The following MAGI1 variants were observed in gnomAD, a reference collection of about 807,000 sequenced individuals.
MAGI1 encodes the protein membrane associated guanylate kinase, WW and PDZ domain containing 1, also known as membrane-associated guanylate kinase, WW and PDZ domain-containing protein 1.
MAGI1 carries 58 observed loss-of-function variants against 139.9 expected under a neutral mutation model. That is an observed-to-expected ratio of 0.41 (90% CI 0.34 to 0.52). The LOEUF is 0.52. MAGI1 is among the 20% of genes least tolerant of loss of function. MAGI1 has a pLI of 0.12. For synonymous variants in MAGI1, 812 were observed against 737.9 expected (o/e 1.10, Z -1.63); for missense variants, 1,874 against 1,901.6 (o/e 0.99, Z 0.27).
At chr3:65,915,076 T>C (rs1285635922) in intron 1 of MAGI1, among the ~76,000 whole-genome samples, 1 of 152,174 alleles carries the variant, frequency 6.6e-6, no homozygotes, top group Non-Finnish European at 1.5e-5. Flanking sequence ...ACAAAGTCAA[T>C]CTCTTAGGCA....
intron 12 of MAGI1, among the ~76,000 whole-genome samples, chr3:65,428,484 C>A (rs574657519): frequency 3.3e-5 from 5 of 152,244 alleles, no homozygotes; most frequent in African/African-American, 7.2e-5. Context: ...TAACCCAGAT[C>A]TCTGAGATCC....
Position 65,364,880 on chromosome 3 carries a change from G to A in MAGI1, c.3263C>T (p.Pro1088Leu), listed in dbSNP as rs754010597. The A allele has an allele frequency of 1.2e-6, 2 of 1,614,070 alleles. No homozygotes were observed. Among genetic ancestry groups the A allele is most frequent in the Non-Finnish European group, 8.5e-7 (1 of 1,179,958 alleles). Reference sequence around the variant, plus strand: ...TGTCTCCTGGGTCCCTTGCTGAGAAGGGGTGTGTGTGGTGGTGATGGTGGC... The same window carrying A: ...TGTCTCCTGGGTCCCTTGCTGAGAAAGGGTGTGTGTGGTGGTGATGGTGGC... ...KIATITTTHT[P>L]SQQGTQETRN... Residue 1088 changes from proline (P) to leucine (L), a missense_variant, in exon 19 of 23, where the codon CCT becomes CTT. Pro to Leu is a moderately conservative substitution (Grantham distance 98). Coordinates refer to ENST00000402939, the MANE Select transcript of MAGI1 (RefSeq NM_001033057.2).
chr3:65,809,017 C>G (rs1268348228), intron 1 of MAGI1, among the ~76,000 whole-genome samples: 3 of 152,064 alleles, frequency 2.0e-5, no homozygotes, highest in Non-Finnish European at 4.4e-5. Context: ...ATCTAAAGTA[C>G]AGACATTTAA....
At chr3:65,819,991 T>TACCAAATAC (rs2041855943) in intron 1 of MAGI1, among the ~76,000 whole-genome samples, 2 of 150,178 alleles carry the variant, frequency 1.3e-5, no homozygotes, top group Admixed American at 6.7e-5. Flanking sequence ...TAAGCAAATA[T>TACCAAATAC]ACTGCACTGG....
intron 1 of MAGI1, among the ~76,000 whole-genome samples, chr3:65,714,636 G>C (rs764703526): frequency 6.6e-6 from 1 of 152,042 alleles, no homozygotes; most frequent in Non-Finnish European, 1.5e-5. Context: ...TAGCTTGTAA[G>C]TAGGGTTAAA....
chr3:65,396,196 T>C (rs1288928816), intron 13 of MAGI1, among the ~76,000 whole-genome samples: 3 of 152,150 alleles, frequency 2.0e-5, no homozygotes, highest in Non-Finnish European at 4.4e-5. Flanking sequence ...AGTAACTGGT[T>C]GAGAAGGGGT....
chr3:65,364,077 C>T (rs1206777744), intron 20 of MAGI1, among the ~76,000 whole-genome samples: 1 of 149,642 alleles, frequency 6.7e-6, no homozygotes, highest in East Asian at 2.0e-4. Context: ...ACTTGTAATA[C>T]CAGCTACTCA....
At chr3:65,822,314 G>C (rs2041990856) in intron 1 of MAGI1, among the ~76,000 whole-genome samples, 1 of 152,158 alleles carries the variant, frequency 6.6e-6, no homozygotes, top group South Asian at 2.1e-4. Flanking sequence ...GATGACTTGA[G>C]GTCAGAAGTT....
intron 1 of MAGI1, among the ~76,000 whole-genome samples, chr3:65,825,675 A>G (rs2042186170): frequency 6.6e-6 from 1 of 152,224 alleles, no homozygotes; most frequent in Non-Finnish European, 1.5e-5. Flanking sequence ...AGGTGTCAAC[A>G]GTATTTTTAA....
At chr3:65,986,061 AAGG>A (rs1015143219) in intron 1 of MAGI1, among the ~76,000 whole-genome samples, 5 of 152,200 alleles carry the variant, frequency 3.3e-5, no homozygotes, top group African/African-American at 1.2e-4. Flanking sequence ...TATAGGATAG[AAGG>A]AGCAAATGGG....
rs746590380 is a variant in MAGI1, at chr3:65,391,187, G to T, written c.2371C>A (p.Pro791Thr). The T allele has an allele frequency of 6.2e-7, 1 of 1,614,104 alleles. No individual in the cohort carries two copies. Among genetic ancestry groups the T allele is most frequent in the Admixed American group, 1.7e-5 (1 of 60,002 alleles). Reference sequence around the variant, plus strand: ...CTGGACTGGGCCCAGATTTTAAAAGGATCTGGTTTTTTCTGGCCAGAGCTG... The same window carrying T: ...CTGGACTGGGCCCAGATTTTAAAAGTATCTGGTTTTTTCTGGCCAGAGCTG... The part of the protein sequence containing the change: ...TDSSGQKKPD[P>T]FKIWAQSRSM... Residue 791 changes from proline (P) to threonine (T), a missense_variant, in exon 14 of 23, where the codon CCT (proline) becomes ACT (threonine). Physicochemically the swap from Pro to Thr is conservative, Grantham distance 38. This residue lies in a region of MAGI1 where 482 missense variants were observed against 509.6 expected (regional missense o/e 0.95). Coordinates refer to ENST00000402939, the MANE Select transcript of MAGI1 (RefSeq NM_001033057.2).
intron 2 of MAGI1, among the ~76,000 whole-genome samples, chr3:65,556,093 A>G (rs986251586): frequency 1.3e-5 from 2 of 152,178 alleles, no homozygotes; most frequent in African/African-American, 4.8e-5. Context: ...TTAGTGTGGA[A>G]GTAGCGGAAC....
At chr3:65,357,166 T>C in intron 22 of MAGI1, 34 bp from the exon 23 acceptor site, 1 of 1,569,308 alleles carries the variant, frequency 6.4e-7, no homozygotes, top group South Asian at 1.2e-5. Context: ...AACAGTTGGG[T>C]ACGAAGGTCC....
intron 1 of MAGI1, among the ~76,000 whole-genome samples, chr3:65,953,296 A>C (rs2063954122): frequency 6.6e-6 from 1 of 152,190 alleles, no homozygotes; most frequent in East Asian, 1.9e-4. Flanking sequence ...TTCCAGACGA[A>C]ACCAAAGGCC....
At chr3:65,717,771 A>G (rs534767581) in intron 1 of MAGI1, among the ~76,000 whole-genome samples, 9 of 152,322 alleles carry the variant, frequency 5.9e-5, no homozygotes, top group African/African-American at 2.2e-4. Flanking sequence ...GGTCCAGCTT[A>G]GACCACCCTC....
chr3:65,880,419 A>T (rs1004937871), intron 1 of MAGI1, among the ~76,000 whole-genome samples: 1 of 152,140 alleles, frequency 6.6e-6, no homozygotes, highest in African/African-American at 2.4e-5. Flanking sequence ...TATATACAAC[A>T]TCTCATATCC....
intron 1 of MAGI1, among the ~76,000 whole-genome samples, chr3:65,707,281 G>C (rs1211807079): frequency 6.6e-6 from 1 of 152,172 alleles, no homozygotes; most frequent in Non-Finnish European, 1.5e-5. Context: ...TTGATGCTAT[G>C]CCACATAGAA....
chr3:65,474,931 T>C (rs557385157), intron 4 of MAGI1, among the ~76,000 whole-genome samples: 1 of 152,296 alleles, frequency 6.6e-6, no homozygotes, highest in African/African-American at 2.4e-5. Flanking sequence ...TTGACCTCCC[T>C]GGTATATGCA....
chr3:65,946,125 G>C (rs2063534856), intron 1 of MAGI1, among the ~76,000 whole-genome samples: 1 of 152,196 alleles, frequency 6.6e-6, no homozygotes, highest in Admixed American at 6.5e-5. Context: ...GAAGGGGGTG[G>C]CCACCGAGGG....
Sources: gnomAD v4.1 joint callset for allele counts (sites outside exome capture counted in the v4.1 genomes callset) on GRCh38, gnomAD v4.1.1 for gene constraint, gnomAD v4.1.1 regional missense constraint, MANE v1.5 for transcripts, NCBI Gene and HGNC (gene_info 2026-07-23, HGNC 2026-07-21) for gene names.